KCNT2: variants seen among roughly 807,000 people sequenced by gnomAD.
The protein encoded by KCNT2 is potassium channel subfamily T member 2.
KCNT2 carries 67 observed loss-of-function variants against 153.8 expected under a neutral mutation model. That is an observed-to-expected ratio of 0.44 (90% confidence interval 0.36 to 0.53). The LOEUF (loss-of-function observed/expected upper bound fraction) is 0.53. Among genes scored for constraint, KCNT2 ranks in the 20% least tolerant of loss-of-function variants. The pLI, the probability that KCNT2 is intolerant of heterozygous loss-of-function variation, is 0.00. For synonymous variants in KCNT2, 500 were observed against 458.8 expected (o/e 1.09, Z -1.15); for missense variants, 975 against 1,354.8 (o/e 0.72, Z 4.40).
intron 1 of KCNT2, among the ~76,000 whole-genome samples, chr1:196,538,171 T>A (rs771032699): frequency 6.6e-6 from 1 of 152,096 alleles, no homozygotes; most frequent in Non-Finnish European, 1.5e-5. Flanking sequence ...GTGTTCTGTG[T>A]TTCCAGCTGC....
Position 196,608,136 on chromosome 1 carries a change from C to T in KCNT2, c.95+79G>A. Reference sequence around the variant, plus strand: ...CTGGCTCCGTTTTCCTTTTCTCCCTCCTTTCCCCACTTCGGCCCTCCCATT... The same window carrying T: ...CTGGCTCCGTTTTCCTTTTCTCCCTTCTTTCCCCACTTCGGCCCTCCCATT... On this transcript the variant is annotated intron_variant, in intron 1 of 27. Transcript: ENST00000294725. The T allele has an allele frequency of 3.8e-6, 5 of 1,307,882 alleles. No individual in the cohort carries two copies. In the South Asian group the frequency reaches 5.9e-5, roughly 15 times the overall value. The allele number at this position is 1,307,882 out of a possible 1,614,324, so 81.0% of individuals were successfully genotyped here. A position where few individuals can be genotyped will look rare whatever the true frequency, so the allele number is the denominator to read the frequency against.
chr1:196,331,304 A>G, intron 17 of KCNT2, 43 bp from the exon 18 acceptor site: 7 of 966,262 alleles, frequency 7.2e-6, no homozygotes, highest in Non-Finnish European at 1.2e-5. Flanking sequence ...AAGGCATGCA[A>G]ATTTGAGAAA....
At chr1:196,401,497 C>T (rs1671413065) in intron 12 of KCNT2, among the ~76,000 whole-genome samples, 1 of 151,598 alleles carries the variant, frequency 6.6e-6, no homozygotes, top group Non-Finnish European at 1.5e-5. Flanking sequence ...AAAATTTCAG[C>T]AGAGTAATAT....
At chr1:196,434,013 C>T (rs979146213) in intron 8 of KCNT2, among the ~76,000 whole-genome samples, 3 of 151,912 alleles carry the variant, frequency 2.0e-5, no homozygotes, top group Non-Finnish European at 2.9e-5. Flanking sequence ...CCAGCAAAAT[C>T]GCCCTCGTTT....
chr1:196,443,331 T>G (rs1675407478), intron 8 of KCNT2, among the ~76,000 whole-genome samples: 1 of 151,462 alleles, frequency 6.6e-6, no homozygotes. Context: ...TTCAAGTTAT[T>G]TTGGGGGCAT....
chr1:196,497,948 A>G (rs1572645108), intron 1 of KCNT2, among the ~76,000 whole-genome samples: 1 of 152,198 alleles, frequency 6.6e-6, no homozygotes, highest in East Asian at 1.9e-4. Flanking sequence ...ATCTTCGAAT[A>G]TGAATTGAAC....
chr1:196,485,246 T>A (rs1171814117), intron 3 of KCNT2, among the ~76,000 whole-genome samples: 2 of 151,704 alleles, frequency 1.3e-5, no homozygotes, highest in Admixed American at 1.3e-4. Flanking sequence ...CATTGAACAA[T>A]GAGATCACAT....
chr1:196,494,418 G>A (rs1680087201), intron 1 of KCNT2, among the ~76,000 whole-genome samples: 1 of 151,894 alleles, frequency 6.6e-6, no homozygotes, highest in Admixed American at 6.6e-5. Context: ...TTGTTTTTTG[G>A]TGACGGAGTC....
chr1:196,424,367 T>A (rs1673467208), intron 11 of KCNT2, among the ~76,000 whole-genome samples: 1 of 151,940 alleles, frequency 6.6e-6, no homozygotes, highest in Non-Finnish European at 1.5e-5. Context: ...AGAACTTAAC[T>A]ATCATACAAT....
In KCNT2 at chr1:196,449,678, A is replaced by G. The variant is rs540866197; in HGVS notation, c.638+15615T>C. On this transcript the variant is annotated intron_variant, in intron 8 of 27. Coordinates refer to ENST00000294725, the MANE Select transcript of KCNT2 (RefSeq NM_198503.5). ...CATCATATATGATGAAATAATTTAG[A>G]CAATGTACTAATAGGAAATCATGAG... is the stretch of plus-strand genomic sequence containing the variant. 7.4e-4 allele frequency among the ~76,000 whole-genome samples: 112 copies of G among 151,704 alleles called. No individual in the cohort carries two copies. In the Middle Eastern group the frequency reaches 0.027, roughly 37 times the overall value.
Position 196,316,043 on chromosome 1 carries a change from C to T in KCNT2, c.2349-17G>A, listed in dbSNP as rs369477770. On this transcript the variant is annotated splice_polypyrimidine_tract_variant and intron_variant, in intron 20 of 27. Transcript: ENST00000294725. ...TCATCTAGGCTTTGATAAAAATCAA[C>T]AGAGAAAAACAAACATTAAATAAAT... The T allele has an allele frequency of 4.4e-6, 7 of 1,605,122 alleles. No homozygotes were observed. In the African/African-American group the frequency reaches 8.1e-5, roughly 18 times the overall value.
intron 26 of KCNT2, among the ~76,000 whole-genome samples, chr1:196,250,720 G>A (rs576733846): frequency 1.9e-4 from 29 of 152,118 alleles, no homozygotes; most frequent in African/African-American, 6.7e-4. Context: ...TGCAAACTGT[G>A]TATCTGACAA....
chr1:196,460,857 T>C (rs1339692591), intron 8 of KCNT2, among the ~76,000 whole-genome samples: 1 of 151,762 alleles, frequency 6.6e-6, no homozygotes, highest in Non-Finnish European at 1.5e-5. Context: ...TTCCTCCTTT[T>C]ACATTTCTCA....
At chr1:196,422,076 T>G (rs1448370014) in intron 12 of KCNT2, among the ~76,000 whole-genome samples, 2 of 152,004 alleles carry the variant, frequency 1.3e-5, no homozygotes, top group Non-Finnish European at 2.9e-5. Context: ...GCAGGAATTT[T>G]GTAGGCCCAC....
In KCNT2 at chr1:196,281,717, G is replaced by A. The variant is rs148600683; in HGVS notation, c.2781+556C>T. On this transcript the variant is annotated intron_variant, in intron 24 of 27. Coordinates refer to ENST00000294725, the MANE Select transcript of KCNT2 (RefSeq NM_198503.5). ...TTTTGTGGACAGTATAGTATCCTAC[G>A]GCAGTTTCAAATTGCCAGTTAACAA... Among the ~76,000 whole-genome samples the A allele has an allele frequency of 1.2e-3, 184 of 151,798 alleles. 1 individual carries two copies. Among genetic ancestry groups the A allele is most frequent in the African/African-American group, 4.2e-3 (173 of 41,394 alleles).
Position 196,282,285 on chromosome 1 carries a change from C to T in KCNT2, c.2769G>A (p.Gly923=). ...ATTATTAACTTACAGAACAAAGAAA[C>T]CCAGATCCTGGTGTAGTGTCCAGTC... is the stretch of plus-strand genomic sequence containing the variant. ...LLGLDTTPGS[G]FLCSMKITAD... is the part of the protein sequence containing the mutation. The change falls in exon 24 of 28, where the codon GGG becomes GGA. Residue 923 remains glycine (G), a synonymous_variant. Transcript: ENST00000294725. The T allele has an allele frequency of 1.3e-6, 2 of 1,589,162 alleles. No homozygotes were observed. Among genetic ancestry groups the T allele is most frequent in the Non-Finnish European group, 1.7e-6 (2 of 1,158,660 alleles).
chr1:196,585,255 A>G (rs898918466), intron 1 of KCNT2, among the ~76,000 whole-genome samples: 7 of 152,128 alleles, frequency 4.6e-5, no homozygotes, highest in African/African-American at 1.7e-4. Flanking sequence ...AAAACTAGCT[A>G]TAACCTTAAG....
intron 27 of KCNT2, among the ~76,000 whole-genome samples, chr1:196,233,448 C>T (rs1039632333): frequency 1.9e-4 from 29 of 151,352 alleles, no homozygotes; most frequent in Admixed American, 1.6e-3. Flanking sequence ...AAACAAAACA[C>T]TCGTCAGTAG....
rs187774240 is a variant in KCNT2 at position 196,473,901 on chromosome 1, A to C, written c.385-4833T>G. Among the ~76,000 whole-genome samples, 10 of 152,282 alleles carry C rather than the reference A, an allele frequency of 6.6e-5. No individual in the cohort carries two copies. In the East Asian group the frequency reaches 1.9e-3, roughly 29 times the overall value. ...TTGAAAGGCAAGCACAATGCCTTTC[A>C]AAATTGTATTAAATACATTTTTCAT... On this transcript the variant is annotated intron_variant, in intron 5 of 27. Coordinates refer to ENST00000294725, the MANE Select transcript of KCNT2 (RefSeq NM_198503.5).
Sources: allele counts gnomAD v4.1 joint callset (sites outside exome capture counted in the v4.1 genomes callset), GRCh38; gene constraint gnomAD v4.1.1; transcripts MANE v1.5; gene names NCBI Gene and HGNC (gene_info 2026-07-23, HGNC 2026-07-21).